Variants in ROBO2 observed in about 807,000 individuals in gnomAD.
ROBO2 encodes the protein roundabout homolog 2.
A neutral mutation model predicts 160.8 loss-of-function variants in ROBO2; 53 were observed. The observed-to-expected ratio is 0.33, with a 90% CI of 0.26 to 0.41. The LOEUF is 0.41. Ranked by LOEUF, ROBO2 falls within the 10% of genes least tolerant of loss-of-function variation. The pLI, the probability that ROBO2 is intolerant of heterozygous loss-of-function variation, is 1.00. For missense variants in ROBO2, 1,577 were observed against 1,722.4 expected (o/e 0.92, Z 1.49); for synonymous variants, 664 against 611.7 (o/e 1.09, Z -1.26).
intron 2 of ROBO2, among the ~76,000 whole-genome samples, chr3:76,379,982 T>C (rs1242034036): frequency 2.0e-5 from 3 of 152,172 alleles, no homozygotes; most frequent in South Asian, 4.1e-4. Context: ...TGCTTGATTC[T>C]TATTTCTGGG....
intron 2 of ROBO2, among the ~76,000 whole-genome samples, chr3:77,382,659 G>C (rs1581519046): frequency 6.6e-6 from 1 of 152,132 alleles, no homozygotes; most frequent in Admixed American, 6.6e-5. Flanking sequence ...TTACAAGTGA[G>C]AACATACAGT....
At chr3:75,939,242 C>T (rs1042727283) in intron 2 of ROBO2, among the ~76,000 whole-genome samples, 1 of 152,130 alleles carries the variant, frequency 6.6e-6, no homozygotes, top group Non-Finnish European at 1.5e-5. Context: ...TCCAACATGA[C>T]ATGTAGTATC....
chr3:77,227,495 A>G (rs918477353), intron 2 of ROBO2, among the ~76,000 whole-genome samples: 8 of 152,324 alleles, frequency 5.3e-5, no homozygotes, highest in African/African-American at 1.9e-4. Flanking sequence ...GTGATAAAAT[A>G]ATTAAATTTT....
chr3:76,475,927 T>G (rs1577462740), intron 2 of ROBO2, among the ~76,000 whole-genome samples: 2 of 151,996 alleles, frequency 1.3e-5, no homozygotes, highest in Non-Finnish European at 2.9e-5. Flanking sequence ...CTGAGGTGGG[T>G]AGATCACTTG....
At chr3:76,975,686 T>C (rs1386304179) in intron 2 of ROBO2, among the ~76,000 whole-genome samples, 2 of 152,222 alleles carry the variant, frequency 1.3e-5, no homozygotes, top group Non-Finnish European at 2.9e-5. Flanking sequence ...ATAAGTCTTC[T>C]AATTTTTATT....
chr3:77,202,929 C>A (rs1354696590), intron 2 of ROBO2, among the ~76,000 whole-genome samples: 1 of 152,156 alleles, frequency 6.6e-6, no homozygotes, highest in Admixed American at 6.5e-5. Context: ...TGGTTCCGAA[C>A]TTTTCCAGCA....
At chr3:76,757,950 G>A (rs2061076590) in intron 2 of ROBO2, among the ~76,000 whole-genome samples, 1 of 151,718 alleles carries the variant, frequency 6.6e-6, no homozygotes, top group Non-Finnish European at 1.5e-5. Context: ...GACTTTAAGG[G>A]AGAACCAGAG....
chr3:76,785,238 T>G (rs924421526), intron 2 of ROBO2, among the ~76,000 whole-genome samples: 12 of 151,232 alleles, frequency 7.9e-5, no homozygotes, highest in Non-Finnish European at 1.6e-4. Flanking sequence ...AACAGGAAAC[T>G]TAAAGAAAGA....
chr3:76,177,115 C>T (rs747610917), intron 2 of ROBO2, among the ~76,000 whole-genome samples: 7 of 152,070 alleles, frequency 4.6e-5, no homozygotes, highest in African/African-American at 1.7e-4. Flanking sequence ...GTGTACTTCT[C>T]GTTATTCTCA....
At chr3:77,381,502 A>C (rs976762057) in intron 2 of ROBO2, among the ~76,000 whole-genome samples, 1 of 152,222 alleles carries the variant, frequency 6.6e-6, no homozygotes, top group Non-Finnish European at 1.5e-5. Context: ...GAAAATGTGC[A>C]TGAAGGACCT....
At chr3:77,301,744 C>G (rs528112746) in intron 2 of ROBO2, among the ~76,000 whole-genome samples, 1 of 152,242 alleles carries the variant, frequency 6.6e-6, no homozygotes, top group South Asian at 2.1e-4. Context: ...AACTAACGTT[C>G]AAATATTGTA....
intron 2 of ROBO2, among the ~76,000 whole-genome samples, chr3:77,381,491 A>G (rs911331563): frequency 6.6e-6 from 1 of 152,186 alleles, no homozygotes; most frequent in African/African-American, 2.4e-5. Flanking sequence ...TTTTTAACAG[A>G]GAAAATGTGC....
chr3:76,954,924 C>T (rs149475117), intron 2 of ROBO2, among the ~76,000 whole-genome samples: 6 of 152,156 alleles, frequency 3.9e-5, no homozygotes, highest in African/African-American at 1.4e-4. Context: ...GCATGAATTA[C>T]ATTCACAGTG....
chr3:76,430,404 A>G (rs2076389638), intron 2 of ROBO2, among the ~76,000 whole-genome samples: 1 of 152,178 alleles, frequency 6.6e-6, no homozygotes, highest in African/African-American at 2.4e-5. Context: ...TTCCTTTTTC[A>G]AAGTATCTCA....
At chr3:77,479,187 A>C (rs921758964) in intron 3 of ROBO2, among the ~76,000 whole-genome samples, 3 of 152,188 alleles carry the variant, frequency 2.0e-5, no homozygotes, top group African/African-American at 7.2e-5. Context: ...TGGGAAGGTG[A>C]GGGGCAGAAC....
At chr3:76,722,087 A>G (rs2093474811) in intron 2 of ROBO2, among the ~76,000 whole-genome samples, 2 of 152,184 alleles carry the variant, frequency 1.3e-5, no homozygotes, top group Admixed American at 6.5e-5. Flanking sequence ...AATTGAAGGC[A>G]GGAAAGAGTG....
At chr3:77,573,881 T>C (rs1033264031) in intron 13 of ROBO2, among the ~76,000 whole-genome samples, 1 of 151,934 alleles carries the variant, frequency 6.6e-6, no homozygotes, top group African/African-American at 2.4e-5. Flanking sequence ...TGACCATGGT[T>C]CAGTCATTAT....
At chr3:77,012,782 G>A (rs1346109007) in intron 2 of ROBO2, among the ~76,000 whole-genome samples, 2 of 152,174 alleles carry the variant, frequency 1.3e-5, no homozygotes, top group African/African-American at 2.4e-5. Context: ...GATTTAGCCT[G>A]ATAATTTTTA....
At chr3:77,450,894 C>T (rs942322573) in intron 2 of ROBO2, among the ~76,000 whole-genome samples, 3 of 151,704 alleles carry the variant, frequency 2.0e-5, no homozygotes, top group African/African-American at 4.9e-5. Flanking sequence ...AATTAAAATT[C>T]GGAGTATAGT....
Sources: gnomAD v4.1 joint callset for allele counts (sites outside exome capture counted in the v4.1 genomes callset) on GRCh38, gnomAD v4.1.1 for gene constraint, MANE v1.5 for transcripts, NCBI Gene and HGNC (gene_info 2026-07-23, HGNC 2026-07-21) for gene names.